Variants in PSD3 observed in about 807,000 individuals in gnomAD.
PSD3 encodes the protein PH and SEC7 domain-containing protein 3.
In PSD3, 49 loss-of-function variants were observed where a neutral mutation model predicts 105.5. The observed-to-expected ratio is 0.46, with a 90% CI of 0.37 to 0.59. PSD3 has a LOEUF of 0.59. Among genes scored for constraint, PSD3 ranks in the 20% least tolerant of loss-of-function variants. The pLI, the probability that PSD3 is intolerant of heterozygous loss-of-function variation, is 0.00. For synonymous variants in PSD3, 557 were observed against 457.8 expected (o/e 1.22, Z -2.77); for missense variants, 1,561 against 1,263.8 (o/e 1.24, Z -3.57).
Position 18,996,105 on chromosome 8 carries a change from G to A in PSD3, c.21+17458C>T, listed in dbSNP as rs545341259. Among the ~76,000 whole-genome samples, 20 of 151,270 alleles carry A rather than the reference G, an allele frequency of 1.3e-4. No homozygotes were observed. The South Asian group carries it at 2.5e-3, about 19-fold the overall frequency. On this transcript the variant is annotated intron_variant, in intron 1 of 15. Transcript: ENST00000327040. ...CATCCACACAAGATCCAAGGACACCGGTTTCTTTAAATTCTTACTCTTATT... is the reference window on the plus strand; with the variant it reads ...CATCCACACAAGATCCAAGGACACCAGTTTCTTTAAATTCTTACTCTTATT...
At chr8:18,833,403 C>T (rs944848208) in intron 4 of PSD3, among the ~76,000 whole-genome samples, 1 of 152,172 alleles carries the variant, frequency 6.6e-6, no homozygotes, top group Non-Finnish European at 1.5e-5. Context: ...CTTGCACTTT[C>T]CCAATAGGCC....
intron 9 of PSD3, among the ~76,000 whole-genome samples, chr8:18,727,811 T>C (rs763025819): frequency 2.0e-5 from 3 of 152,172 alleles, no homozygotes; most frequent in Non-Finnish European, 2.9e-5. Flanking sequence ...AATTATGCTC[T>C]TAAGGAAAAC....
intron 15 of PSD3, among the ~76,000 whole-genome samples, chr8:18,541,698 T>C (rs1033045541): frequency 1.3e-5 from 2 of 152,030 alleles, no homozygotes; most frequent in African/African-American, 2.4e-5. Flanking sequence ...GAGAGAAACG[T>C]AGGTTATATT....
At chr8:18,857,235 T>C (rs1816082680) in intron 4 of PSD3, among the ~76,000 whole-genome samples, 1 of 152,184 alleles carries the variant, frequency 6.6e-6, no homozygotes, top group Non-Finnish European at 1.5e-5. Flanking sequence ...GTATTCTGCC[T>C]CTAAGCAACT....
At chr8:19,054,119 G>T (rs192504617) in intron 1 of PSD3, among the ~76,000 whole-genome samples, 2 of 152,292 alleles carry the variant, frequency 1.3e-5, no homozygotes, top group East Asian at 3.9e-4. Flanking sequence ...GGATCCTCTA[G>T]GGCCTTTCTC....
chr8:18,751,076 G>A (rs922788502), intron 9 of PSD3, among the ~76,000 whole-genome samples: 9 of 152,216 alleles, frequency 5.9e-5, no homozygotes, highest in Non-Finnish European at 8.8e-5. Flanking sequence ...GATGGACCTG[G>A]GCGCCGTGCA....
intron 9 of PSD3, among the ~76,000 whole-genome samples, chr8:18,756,618 A>G (rs1806062277): frequency 6.6e-6 from 1 of 152,004 alleles, no homozygotes; most frequent in African/African-American, 2.4e-5. Flanking sequence ...AAGTTGTTCC[A>G]ATTTCTTTTT....
intron 2 of PSD3, among the ~76,000 whole-genome samples, chr8:18,883,766 A>T (rs978764554): frequency 1.3e-5 from 2 of 152,210 alleles, no homozygotes; most frequent in South Asian, 4.1e-4. Context: ...TACTATGGAG[A>T]ATGCACTAAG....
chr8:18,980,334 C>A (rs551974249), intron 1 of PSD3, among the ~76,000 whole-genome samples: 3 of 152,256 alleles, frequency 2.0e-5, no homozygotes, highest in East Asian at 1.9e-4. Context: ...CCAGGGTAGA[C>A]AGACAGGGAA....
chr8:18,949,158 C>A (rs1408165578), intron 1 of PSD3, among the ~76,000 whole-genome samples: 40 of 132,252 alleles, frequency 3.0e-4, no homozygotes, highest in African/African-American at 1.1e-3. Flanking sequence ...GGAGACAGAG[C>A]TTGCAGTGAG....
At position 18,820,718 on chromosome 8, in the gene PSD3, A is replaced by T. The variant is rs78312923; in HGVS notation, c.1635-15820T>A. On this transcript the variant is annotated intron_variant, in intron 4 of 15. Transcript: ENST00000327040. Reference sequence around the variant, plus strand: ...CCAATGTGGAACCCACAAATACAACAGTCTGCTGTATGCAGTTGCCTTAAA... The same window carrying T: ...CCAATGTGGAACCCACAAATACAACTGTCTGCTGTATGCAGTTGCCTTAAA... 5.4e-3 allele frequency among the ~76,000 whole-genome samples: 817 copies of T among 152,310 alleles called. 4 individuals are homozygous for T. The highest frequency in any genetic ancestry group is 0.019 in the African/African-American group (791 of 41,568).
chr8:18,892,800 T>C (rs976337359), intron 2 of PSD3, among the ~76,000 whole-genome samples: 2 of 151,856 alleles, frequency 1.3e-5, no homozygotes, highest in South Asian at 2.1e-4. Context: ...AACTTTTGTA[T>C]TTTTAGTAGA....
intron 1 of PSD3, among the ~76,000 whole-genome samples, chr8:18,951,161 G>A (rs190350703): frequency 1.2e-4 from 18 of 152,230 alleles, no homozygotes; most frequent in Admixed American, 1.2e-3. Context: ...TTGGGAGGCC[G>A]TGGTGGGAAG....
chr8:18,890,195 T>A (rs1243460264), intron 2 of PSD3, among the ~76,000 whole-genome samples: 1 of 152,194 alleles, frequency 6.6e-6, no homozygotes, highest in Non-Finnish European at 1.5e-5. Context: ...TAATTCCTTA[T>A]GTAAAGTAAC....
At chr8:18,545,664 G>C (rs748490378) in intron 15 of PSD3, among the ~76,000 whole-genome samples, 16 of 152,216 alleles carry the variant, frequency 1.1e-4, no homozygotes, top group Non-Finnish European at 2.1e-4. Flanking sequence ...AAAAAAGGTA[G>C]CTTGTTATGG....
chr8:18,615,212 G>GCACCCTACATTCCAATCACCTGCTC, intron 11 of PSD3, among the ~76,000 whole-genome samples: 1 of 151,716 alleles, frequency 6.6e-6, no homozygotes, highest in South Asian at 2.1e-4. Flanking sequence ...ATCACCTGCT[G>GCACCCTACATTCCAATCACCTGCTC]CACCCTACAT....
chr8:18,981,981 T>C (rs1825272362), intron 1 of PSD3, among the ~76,000 whole-genome samples: 1 of 152,210 alleles, frequency 6.6e-6, no homozygotes, highest in Non-Finnish European at 1.5e-5. Context: ...AGACAAAAGA[T>C]TTCTCTGTAG....
intron 2 of PSD3, among the ~76,000 whole-genome samples, chr8:18,883,325 G>C (rs1818239764): frequency 6.6e-6 from 1 of 152,164 alleles, no homozygotes; most frequent in South Asian, 2.1e-4. Flanking sequence ...TAAGTTCCAA[G>C]AAAACAATCT....
chr8:18,560,670 A>G (rs1801343294), intron 14 of PSD3, among the ~76,000 whole-genome samples: 1 of 152,166 alleles, frequency 6.6e-6, no homozygotes, highest in African/African-American at 2.4e-5. Context: ...CTAAAAGGCA[A>G]GTTTTCGAAG....
Sources: allele counts gnomAD v4.1 joint callset (sites outside exome capture counted in the v4.1 genomes callset), GRCh38; gene constraint gnomAD v4.1.1; transcripts MANE v1.5; gene names NCBI Gene and HGNC (gene_info 2026-07-23, HGNC 2026-07-21).